Variants in GALNTL6 observed in about 807,000 individuals in gnomAD.
GALNTL6 encodes the protein polypeptide N-acetylgalactosaminyltransferase like 6, also known as polypeptide N-acetylgalactosaminyltransferase-like 6.
GALNTL6 carries 46 observed loss-of-function variants against 73.7 expected under a neutral mutation model. The ratio of observed to expected loss-of-function variants is 0.62; its 90% CI spans 0.49 to 0.80. The LOEUF is 0.80. GALNTL6 is among the 30% of genes least tolerant of loss of function. The pLI, the probability that GALNTL6 is intolerant of heterozygous loss-of-function variation, is 0.00. For missense variants in GALNTL6, 604 were observed against 755.0 expected (o/e 0.80, Z 2.34); for synonymous variants, 259 against 263.7 (o/e 0.98, Z 0.17).
chr4:172,539,876 TA>T (rs1434594808), intron 5 of GALNTL6, among the ~76,000 whole-genome samples: 748 of 3,990 alleles, frequency 0.19, 9 homozygotes, highest in African/African-American at 0.32. Flanking sequence ...TACATATGAT[TA>T]TATATATATA....
intron 2 of GALNTL6, among the ~76,000 whole-genome samples, chr4:171,987,086 G>T (rs995848431): frequency 2.6e-5 from 4 of 152,166 alleles, no homozygotes; most frequent in Admixed American, 6.5e-5. Context: ...TGAGACTGGG[G>T]CCTAATAAAA....
intron 2 of GALNTL6, among the ~76,000 whole-genome samples, chr4:172,057,174 G>A (rs1408234375): frequency 1.3e-5 from 2 of 152,034 alleles, no homozygotes; most frequent in Non-Finnish European, 2.9e-5. Context: ...TTGGAAGGTT[G>A]AGGCTGACAC....
At chr4:172,129,356 C>A (rs1733392360) in intron 2 of GALNTL6, among the ~76,000 whole-genome samples, 2 of 152,126 alleles carry the variant, frequency 1.3e-5, no homozygotes, top group Non-Finnish European at 2.9e-5. Context: ...TTGGGGAGTG[C>A]AAACGAACCC....
intron 2 of GALNTL6, among the ~76,000 whole-genome samples, chr4:171,960,270 T>C (rs1035372021): frequency 6.6e-6 from 1 of 152,146 alleles, no homozygotes; most frequent in African/African-American, 2.4e-5. Flanking sequence ...AGGACAGCTT[T>C]TCTTTTTTTC....
intron 2 of GALNTL6, among the ~76,000 whole-genome samples, chr4:172,031,542 T>G (rs530299857): frequency 6.6e-6 from 1 of 152,212 alleles, no homozygotes; most frequent in Admixed American, 6.5e-5. Flanking sequence ...AGATGAAATC[T>G]AAAACACTGA....
intron 7 of GALNTL6, among the ~76,000 whole-genome samples, chr4:172,851,371 G>A (rs1440729889): frequency 1.3e-5 from 2 of 151,518 alleles, no homozygotes; most frequent in Non-Finnish European, 2.9e-5. Context: ...AAAATCAGGG[G>A]CAGATTATAT....
chr4:172,174,401 G>A (rs1257627555), intron 2 of GALNTL6, among the ~76,000 whole-genome samples: 1 of 151,904 alleles, frequency 6.6e-6, no homozygotes, highest in Non-Finnish European at 1.5e-5. Context: ...TTTTGTTGTT[G>A]TTGTTTTAGA....
At chr4:171,870,204 A>G (rs1736099681) in intron 2 of GALNTL6, among the ~76,000 whole-genome samples, 1 of 152,166 alleles carries the variant, frequency 6.6e-6, no homozygotes, top group African/African-American at 2.4e-5. Flanking sequence ...TCCCTTTACA[A>G]TGAGTATGAT....
At chr4:172,201,281 A>T (rs1309065044) in intron 2 of GALNTL6, among the ~76,000 whole-genome samples, 1 of 151,706 alleles carries the variant, frequency 6.6e-6, no homozygotes, top group East Asian at 1.9e-4. Flanking sequence ...ATCTTGGCTC[A>T]CTGCAACCTC....
chr4:172,988,532 T>C (rs537641564), intron 10 of GALNTL6, among the ~76,000 whole-genome samples: 1 of 152,312 alleles, frequency 6.6e-6, no homozygotes, highest in South Asian at 2.1e-4. Context: ...GAAAGATTCA[T>C]TTTCATGGGA....
intron 2 of GALNTL6, among the ~76,000 whole-genome samples, chr4:171,970,746 C>T (rs1739544442): frequency 6.6e-6 from 1 of 151,894 alleles, no homozygotes; most frequent in South Asian, 2.1e-4. Flanking sequence ...GCACAAAATG[C>T]AAAATAAGAT....
At chr4:172,695,996 A>C (rs1362782360) in intron 5 of GALNTL6, among the ~76,000 whole-genome samples, 1 of 151,990 alleles carries the variant, frequency 6.6e-6, no homozygotes, top group African/African-American at 2.4e-5. Flanking sequence ...TTCCCAAGTC[A>C]TTAAACTTTA....
rs3105221 is a variant in GALNTL6 at position 172,916,705 on chromosome 4, G to A, written c.1042-14456G>A. On this transcript the variant is annotated intron_variant, in intron 8 of 12. Coordinates refer to ENST00000506823, the MANE Select transcript of GALNTL6 (RefSeq NM_001034845.3). ...GAACTTACAAGGGATGTGAAGAACC[G>A]TTTCAAGGAGAACTACAAACCACTG... Among the ~76,000 whole-genome samples the A allele has an allele frequency of 2.0e-4, 30 of 152,020 alleles. No homozygotes were observed. The East Asian group carries it at 2.1e-3, about 11-fold the overall frequency.
At position 172,587,809 on chromosome 4, in the gene GALNTL6, T is replaced by A. The variant is rs201228256; in HGVS notation, c.554-221552T>A. On this transcript the variant is annotated intron_variant, in intron 5 of 12. Coordinates refer to ENST00000506823, the MANE Select transcript of GALNTL6 (RefSeq NM_001034845.3). ...ATGCAAGTGCATGTGCAGAAGTGTG[T>A]GTGTCTGTGTGTGTGTGCATGTACA... 5.4e-4 allele frequency among the ~76,000 whole-genome samples: 83 copies of A among 152,310 alleles called. 1 individual carries two copies. Among genetic ancestry groups the A allele is most frequent in the East Asian group, 5.2e-3 (27 of 5,182 alleles).
intron 2 of GALNTL6, among the ~76,000 whole-genome samples, chr4:172,192,798 T>C (rs1256448002): frequency 2.0e-5 from 3 of 152,144 alleles, no homozygotes; most frequent in African/African-American, 7.2e-5. Context: ...CTGCTTAAGA[T>C]GAACAAGTTG....
chr4:172,477,816 C>T (rs1022479454), intron 5 of GALNTL6, among the ~76,000 whole-genome samples: 7 of 151,884 alleles, frequency 4.6e-5, no homozygotes, highest in South Asian at 2.1e-4. Context: ...GACTCTTTAA[C>T]GCTGTAAAAA....
At chr4:172,832,065 C>T (rs1227608073) in intron 7 of GALNTL6, among the ~76,000 whole-genome samples, 3 of 152,152 alleles carry the variant, frequency 2.0e-5, no homozygotes, top group Non-Finnish European at 4.4e-5. Context: ...CGGGAGCCAT[C>T]ACAGCTTTCG....
intron 5 of GALNTL6, among the ~76,000 whole-genome samples, chr4:172,441,837 T>A (rs1731848491): frequency 6.6e-6 from 1 of 152,086 alleles, no homozygotes; most frequent in Non-Finnish European, 1.5e-5. Context: ...GTGTATGGTG[T>A]ATGAGGGAGC....
intron 8 of GALNTL6, among the ~76,000 whole-genome samples, chr4:172,915,900 G>C (rs906258636): frequency 1.3e-5 from 2 of 152,126 alleles, no homozygotes; most frequent in African/African-American, 2.4e-5. Context: ...ATTTTATGAG[G>C]CCAGCATCAT....
Sources: allele counts gnomAD v4.1 joint callset (sites outside exome capture counted in the v4.1 genomes callset), GRCh38; gene constraint gnomAD v4.1.1; transcripts MANE v1.5; gene names NCBI Gene and HGNC (gene_info 2026-07-23, HGNC 2026-07-21).